The following ITGAL variants were observed in gnomAD, a reference collection of about 807,000 sequenced individuals.
ITGAL encodes integrin subunit alpha L.
In ITGAL, 68 loss-of-function variants were observed where a neutral mutation model predicts 138.4. The observed-to-expected ratio is 0.49, with a 90% CI of 0.40 to 0.60. The LOEUF (loss-of-function observed/expected upper bound fraction) is 0.60. ITGAL is among the 20% of genes least tolerant of loss of function. ITGAL has a pLI of 0.00. For missense variants in ITGAL, 1,256 were observed against 1,478.6 expected (o/e 0.85, Z 2.47); for synonymous variants, 561 against 584.3 (o/e 0.96, Z 0.57).
chr16:30,479,171 G>A lies in ITGAL; in HGVS notation c.408G>A (p.Leu136=), dbSNP rs1403821918. 1 of 1,614,108 alleles carries A rather than the reference G, an allele frequency of 6.2e-7. No homozygotes were observed. The highest frequency in any genetic ancestry group is 8.5e-7 in the Non-Finnish European group (1 of 1,180,004). The change falls in exon 5 of 31, where the codon CTG becomes CTA. Residue 136 remains leucine, a synonymous_variant. Coordinates refer to ENST00000356798, the MANE Select transcript of ITGAL (RefSeq NM_002209.3). ...TGTGTTACCTCTTCCGCCAGAATCT[G>A]CAGGGTCCCATGCTGCAGGGGCGCC... ...SGLCYLFRQN[L]QGPMLQGRPG...
intron 6 of ITGAL, chr16:30,481,229 G>A (rs1453274531): frequency 1.3e-5 from 6 of 474,004 alleles, no homozygotes; most frequent in South Asian, 4.4e-5. Flanking sequence ...GCCTGTAATC[G>A]CAGCTACTTG....
At chr16:30,487,653 C>G (rs981369311) in intron 9 of ITGAL, among the ~76,000 whole-genome samples, 3 of 150,330 alleles carry the variant, frequency 2.0e-5, no homozygotes, top group African/African-American at 7.3e-5. Flanking sequence ...CTCAGGTAAT[C>G]TGCCCGCCTT....
intron 9 of ITGAL, among the ~76,000 whole-genome samples, chr16:30,487,177 T>C (rs1436196902): frequency 6.7e-6 from 1 of 150,070 alleles, no homozygotes. Flanking sequence ...GTTTCTACTA[T>C]ATTGCCTAAG....
chr16:30,476,514 C>A (rs374435254), intron 4 of ITGAL, among the ~76,000 whole-genome samples: 2 of 151,652 alleles, frequency 1.3e-5, no homozygotes, highest in African/African-American at 2.4e-5. Flanking sequence ...CATCATATTG[C>A]TTAGGAAGAG....
chr16:30,506,276 A>AG (rs1490438918), intron 20 of ITGAL, among the ~76,000 whole-genome samples: 1 of 142,930 alleles, frequency 7.0e-6, no homozygotes, highest in East Asian at 2.1e-4. Context: ...AAAAAAAAAA[A>AG]AAGCCGGGGG....
In ITGAL at chr16:30,513,839, T is replaced by G. The variant is rs533945018; in HGVS notation, c.2855T>G (p.Met952Arg). ...CCCAAGATCCACCAAGTCAAGCACA[T>G]GTACCAGGTATGAATCCCAATGTGG... ...KGPKIHQVKHMYQVRIQPSIH... is the reference protein window; with the variant it reads ...KGPKIHQVKHRYQVRIQPSIH... The change falls in exon 25 of 31, where the codon ATG becomes AGG. Residue 952 changes from methionine (M) to arginine (R), a missense_variant. This residue lies in a region of ITGAL where 867 missense variants were observed against 972.5 expected (regional missense o/e 0.89). Coordinates refer to ENST00000356798, the MANE Select transcript of ITGAL (RefSeq NM_002209.3). 4 of 1,608,616 alleles carry G rather than the reference T, an allele frequency of 2.5e-6. No homozygotes were observed. The highest frequency in any genetic ancestry group is 3.4e-6 in the Non-Finnish European group (4 of 1,175,120).
intron 24 of ITGAL, among the ~76,000 whole-genome samples, chr16:30,511,681 C>A (rs2051093465): frequency 6.6e-6 from 1 of 152,178 alleles, no homozygotes; most frequent in South Asian, 2.1e-4. Flanking sequence ...TATCACAATA[C>A]CCCTTGCCCT....
chr16:30,512,963 A>G (rs1228073180), intron 24 of ITGAL, among the ~76,000 whole-genome samples: 1 of 152,198 alleles, frequency 6.6e-6, no homozygotes, highest in Non-Finnish European at 1.5e-5. Flanking sequence ...AGCCTCCTGA[A>G]GTGCTGGGAT....
intron 4 of ITGAL, among the ~76,000 whole-genome samples, chr16:30,477,738 T>A (rs1382333839): frequency 1.3e-5 from 2 of 148,582 alleles, no homozygotes; most frequent in Non-Finnish European, 1.5e-5. Context: ...AAAAAAAAAA[T>A]AGCCAGGCAT....
At chr16:30,488,766 A>G (rs571310054) in intron 9 of ITGAL, 70 of 376,142 alleles carry the variant, frequency 1.9e-4, no homozygotes, top group African/African-American at 1.4e-3. Flanking sequence ...AGTCCCCACT[A>G]TCCAGGAGGC....
In ITGAL at chr16:30,489,093, C is replaced by T. The variant is rs2050687908; in HGVS notation, c.1018C>T (p.Gln340Ter). 6.2e-7 allele frequency: 1 copy of T among 1,613,566 alleles called. No individual in the cohort carries two copies. The highest frequency in any genetic ancestry group is 1.3e-5 in the African/African-American group (1 of 74,912). The change falls in exon 10 of 31, where the codon CAG (glutamine) becomes TAG (stop). Residue 340 changes from glutamine (Q) to a stop codon, truncating the protein, a stop_gained. Transcript: ENST00000356798. LOFTEE classifies it high-confidence loss of function. ...KIYVIEGTSKQDLTSFNMELS... is the reference protein window; with the variant it reads ...KIYVIEGTSK ...GCTTTGTTCCCCAGGCACAAGCAAACAGGACCTGACTTCCTTCAACATGGA... is the reference window on the plus strand; with the variant it reads ...GCTTTGTTCCCCAGGCACAAGCAAATAGGACCTGACTTCCTTCAACATGGA...
intron 1 of ITGAL, 36 bp from the exon 2 acceptor site, chr16:30,474,160 C>T: frequency 1.4e-6 from 2 of 1,472,216 alleles, no homozygotes; most frequent in Non-Finnish European, 1.9e-6. Context: ...GGGCGGGGGT[C>T]CCTCGGTCGC....
At chr16:30,496,331 A>C (rs771648067) in intron 14 of ITGAL, 37 bp downstream of exon 14, 2 of 1,602,926 alleles carry the variant, frequency 1.2e-6, no homozygotes, top group Non-Finnish European at 1.7e-6. Flanking sequence ...CTCCATTCTC[A>C]GGTGCCCTAA....
chr16:30,499,131 AG>A lies in ITGAL; in HGVS notation c.1891del (p.Val631CysfsTer14). On this transcript the variant is annotated frameshift_variant, in exon 16 of 31. Transcript: ENST00000356798. LOFTEE classifies it high-confidence loss of function. ...LMSFSPAEIPVHEVECSYSTS... is the reference protein window; with the variant it reads ...LMSFSPAEIPXHEVECSYSTS... Reference sequence around the variant, plus strand: ...TGTCCTTCTCTCCAGCTGAGATCCCAGTGCATGAAGTGGAGTGCTCCTATTC... The same window carrying A: ...TGTCCTTCTCTCCAGCTGAGATCCCATGCATGAAGTGGAGTGCTCCTATTC... 1 of 1,614,106 alleles carries A rather than the reference AG, an allele frequency of 6.2e-7. No individual in the cohort carries two copies. Among genetic ancestry groups the A allele is most frequent in the South Asian group, 1.1e-5 (1 of 91,078 alleles).
At chr16:30,508,588 T>C (rs1298042120) in intron 21 of ITGAL, among the ~76,000 whole-genome samples, 2 of 152,126 alleles carry the variant, frequency 1.3e-5, no homozygotes, top group Admixed American at 6.6e-5. Flanking sequence ...CCAGCTACCT[T>C]GGGGGCTGAG....
At chr16:30,473,833 A>C in intron 1 of ITGAL, 1 of 439,688 alleles carries the variant, frequency 2.3e-6, no homozygotes, top group Admixed American at 2.6e-5. Flanking sequence ...AGTGGGTGGC[A>C]GAGGCGCACC....
Position 30,494,126 on chromosome 16 carries a change from A to G in ITGAL, c.1214-86A>G, listed in dbSNP as rs1460508237. On this transcript the variant is annotated intron_variant, in intron 11 of 30. Coordinates refer to ENST00000356798, the MANE Select transcript of ITGAL (RefSeq NM_002209.3). The surrounding 1 kb of genome is among the most constrained non-coding windows in gnomAD (Gnocchi z 4.2). ...TCCATGCATCTCTGCTACTAACCCA[A>G]TTCCCTGGGGCCCCTGCCCCTCTCC... 7.8e-7 allele frequency: 1 copy of G among 1,279,362 alleles called. No homozygotes were observed. Among genetic ancestry groups the G allele is most frequent in the Admixed American group, 2.2e-5 (1 of 45,212 alleles). 79.3% of individuals were successfully genotyped at this position (1,279,362 alleles called of 1,614,324 possible).
intron 9 of ITGAL, among the ~76,000 whole-genome samples, chr16:30,485,136 C>T (rs2050621832): frequency 6.6e-6 from 1 of 151,312 alleles, no homozygotes; most frequent in African/African-American, 2.4e-5. Flanking sequence ...CTTCCTTCCT[C>T]CCTTCCTTCC....
Position 30,472,776 on chromosome 16 carries a change from G to A in ITGAL, c.-62G>A. On this transcript the variant is annotated 5_prime_UTR_variant, in exon 1 of 31. Transcript: ENST00000356798. The stretch of plus-strand genomic sequence containing the variant: ...CTCTTTCACCCTGTCTAGGTTGCCA[G>A]CAAATCCCACGGGCCTCCTGACGCT... The A allele has an allele frequency of 6.6e-7, 1 of 1,517,374 alleles. No individual in the cohort carries two copies. The highest frequency in any genetic ancestry group is 9.1e-7 in the Non-Finnish European group (1 of 1,099,862). 94.0% of individuals were successfully genotyped at this position (1,517,374 alleles called of 1,614,324 possible). A position where few individuals can be genotyped will look rare whatever the true frequency, so the allele number is the denominator to read the frequency against.
Sources: allele counts gnomAD v4.1 joint callset (sites outside exome capture counted in the v4.1 genomes callset), GRCh38; gene constraint gnomAD v4.1.1; regional missense constraint gnomAD v4.1.1; non-coding constraint Gnocchi (gnomAD v3.1); transcripts MANE v1.5; gene names NCBI Gene and HGNC (gene_info 2026-07-23, HGNC 2026-07-21).